GRID2: variants seen among roughly 807,000 people sequenced by gnomAD.
The protein encoded by GRID2 is glutamate ionotropic receptor delta type subunit 2, also known as glutamate receptor ionotropic, delta-2.
A neutral mutation model predicts 114.8 loss-of-function variants in GRID2; 33 were observed. That is an observed-to-expected ratio of 0.29 (90% CI 0.22 to 0.38). The LOEUF is 0.38. Ranked by LOEUF, GRID2 falls within the 10% of genes least tolerant of loss-of-function variation. The probability of loss-of-function intolerance (pLI) is 1.00; values close to 1 mark genes in which losing one functional copy is unlikely to be tolerated. For synonymous variants in GRID2, 505 were observed against 449.9 expected (o/e 1.12, Z -1.55); for missense variants, 1,184 against 1,257.7 (o/e 0.94, Z 0.89).
chr4:93,216,087 C>G (rs1744174924), intron 5 of GRID2, among the ~76,000 whole-genome samples: 1 of 151,940 alleles, frequency 6.6e-6, no homozygotes, highest in Non-Finnish European at 1.5e-5. Context: ...CTGGGTTTCT[C>G]TCTCATCTCA....
chr4:92,827,621 A>G (rs1174233635), intron 2 of GRID2, among the ~76,000 whole-genome samples: 1 of 152,034 alleles, frequency 6.6e-6, no homozygotes, highest in Non-Finnish European at 1.5e-5. Flanking sequence ...CAAGACACCA[A>G]TATTTCAGAG....
intron 8 of GRID2, among the ~76,000 whole-genome samples, chr4:93,317,274 T>C (rs1185987411): frequency 2.0e-5 from 3 of 152,064 alleles, no homozygotes; most frequent in Non-Finnish European, 4.4e-5. Flanking sequence ...AAATCTGCTG[T>C]TCATAAGGGA....
intron 2 of GRID2, among the ~76,000 whole-genome samples, chr4:93,082,829 G>A (rs758364701): frequency 1.4e-4 from 21 of 150,168 alleles, no homozygotes; most frequent in Non-Finnish European, 1.9e-4. Flanking sequence ...TGCTTAGTTC[G>A]TGTTTAATAG....
chr4:93,722,277 T>C (rs1424530078), intron 14 of GRID2, among the ~76,000 whole-genome samples: 1 of 152,166 alleles, frequency 6.6e-6, no homozygotes, highest in South Asian at 2.1e-4. Flanking sequence ...TTATACCTTA[T>C]CACATTTAAC....
chr4:92,776,565 G>C lies in GRID2; in HGVS notation c.244+186279G>C, dbSNP rs187136876. ...TTGAGTTGCATAATAAAACTGTTAC[G>C]GTCAATTAGATTATTTTTTGACTGT... On this transcript the variant is annotated intron_variant, in intron 2 of 15. Coordinates refer to ENST00000282020, the MANE Select transcript of GRID2 (RefSeq NM_001510.4). Among the ~76,000 whole-genome samples, 6 of 151,764 alleles carry C rather than the reference G, an allele frequency of 4.0e-5. No homozygotes were observed. The East Asian group carries it at 1.2e-3, about 29-fold the overall frequency.
chr4:92,554,140 G>A (rs748734438), intron 1 of GRID2, among the ~76,000 whole-genome samples: 1 of 152,182 alleles, frequency 6.6e-6, no homozygotes, highest in South Asian at 2.1e-4. Context: ...CAGAAGGGCT[G>A]TTGTTCCTAG....
chr4:92,958,662 A>G (rs947753306), intron 2 of GRID2, among the ~76,000 whole-genome samples: 8 of 152,028 alleles, frequency 5.3e-5, no homozygotes, highest in Non-Finnish European at 8.8e-5. Context: ...TGATTTTAGT[A>G]TTCAGGTAAT....
intron 12 of GRID2, among the ~76,000 whole-genome samples, chr4:93,511,294 G>A (rs1484327901): frequency 6.6e-6 from 1 of 152,120 alleles, no homozygotes; most frequent in Non-Finnish European, 1.5e-5. Context: ...GAATTTTACA[G>A]AAACCTAAAG....
chr4:93,750,004 C>T (rs570801712), intron 14 of GRID2, among the ~76,000 whole-genome samples: 18 of 152,186 alleles, frequency 1.2e-4, no homozygotes, highest in Non-Finnish European at 2.4e-4. Context: ...GACATGTTAA[C>T]TATCATGACT....
At chr4:93,107,411 A>G (rs1325517318) in intron 3 of GRID2, among the ~76,000 whole-genome samples, 1 of 152,220 alleles carries the variant, frequency 6.6e-6, no homozygotes, top group African/African-American at 2.4e-5. Flanking sequence ...GTTAGGAAAC[A>G]GAGGGGTTAT....
chr4:93,669,483 C>G (rs937075841), intron 14 of GRID2, among the ~76,000 whole-genome samples: 1 of 137,720 alleles, frequency 7.3e-6, no homozygotes, highest in African/African-American at 2.6e-5. Flanking sequence ...GCTGAAATTC[C>G]TACATGTACA....
chr4:93,426,239 C>T (rs1184860891), intron 10 of GRID2, among the ~76,000 whole-genome samples: 1 of 152,072 alleles, frequency 6.6e-6, no homozygotes, highest in African/African-American at 2.4e-5. Context: ...ATTTTTAATA[C>T]AAAATGGGCA....
intron 2 of GRID2, among the ~76,000 whole-genome samples, chr4:92,875,939 C>A (rs1297535841): frequency 6.6e-6 from 1 of 152,078 alleles, no homozygotes; most frequent in Admixed American, 6.5e-5. Context: ...GAGGAAAGTT[C>A]TTGCTTTAAG....
intron 10 of GRID2, among the ~76,000 whole-genome samples, chr4:93,430,600 G>C (rs1769315839): frequency 6.6e-6 from 1 of 152,240 alleles, no homozygotes. Flanking sequence ...ACATTTTGTT[G>C]ATGGTCTCTA....
intron 2 of GRID2, among the ~76,000 whole-genome samples, chr4:92,603,845 A>G (rs7687076): frequency 0.058 from 8,836 of 152,060 alleles, 291 homozygotes; most frequent in East Asian, 0.12. Flanking sequence ...AGAAGAGAAA[A>G]ACAACTCCAT....
chr4:93,043,554 T>G (rs1400429407), intron 2 of GRID2, among the ~76,000 whole-genome samples: 2 of 152,182 alleles, frequency 1.3e-5, no homozygotes, highest in African/African-American at 4.8e-5. Flanking sequence ...GGGAGTTTAT[T>G]TCCGAAAGTG....
chr4:93,427,975 G>A (rs1327935597), intron 10 of GRID2, among the ~76,000 whole-genome samples: 1 of 151,912 alleles, frequency 6.6e-6, no homozygotes, highest in East Asian at 1.9e-4. Context: ...AGGGAAGAGA[G>A]GCCCACAGAG....
At chr4:93,369,615 A>G (rs915475578) in intron 8 of GRID2, among the ~76,000 whole-genome samples, 2 of 152,078 alleles carry the variant, frequency 1.3e-5, no homozygotes, top group Non-Finnish European at 2.9e-5. Context: ...CAGCCTCCCA[A>G]GTAGTTTAGA....
chr4:92,517,340 T>G (rs888309544), intron 1 of GRID2, among the ~76,000 whole-genome samples: 1 of 151,938 alleles, frequency 6.6e-6, no homozygotes. Flanking sequence ...TTTTCACTCA[T>G]GATAGAATAT....
Sources: allele counts gnomAD v4.1 joint callset (sites outside exome capture counted in the v4.1 genomes callset), GRCh38; gene constraint gnomAD v4.1.1; transcripts MANE v1.5; gene names NCBI Gene and HGNC (gene_info 2026-07-23, HGNC 2026-07-21).